The following BZW2 variants were observed in gnomAD, a reference collection of about 807,000 sequenced individuals.
The protein encoded by BZW2 is basic leucine zipper and W2 domains 2.
Under a neutral mutation model 53.2 loss-of-function variants are expected in BZW2, and 23 were observed. The ratio of observed to expected loss-of-function variants is 0.43; its 90% CI spans 0.31 to 0.61. BZW2 has a LOEUF of 0.61. Among genes scored for constraint, BZW2 ranks in the 20% least tolerant of loss-of-function variants. The pLI, the probability that BZW2 is intolerant of heterozygous loss-of-function variation, is 0.09. For synonymous variants in BZW2, 227 were observed against 186.4 expected (o/e 1.22, Z -1.77); for missense variants, 409 against 503.1 (o/e 0.81, Z 1.79).
chr7:16,672,183 C>T (rs540565735), intron 2 of BZW2, among the ~76,000 whole-genome samples: 1 of 152,076 alleles, frequency 6.6e-6, no homozygotes, highest in African/African-American at 2.4e-5. Flanking sequence ...GTGCTGGGTT[C>T]CCAGACAGCC....
intron 8 of BZW2, among the ~76,000 whole-genome samples, chr7:16,696,616 T>C (rs567423142): frequency 1.7e-3 from 253 of 152,340 alleles, no homozygotes; most frequent in African/African-American, 5.5e-3. Context: ...ATCCCTACTC[T>C]ACTAGACTCA....
At chr7:16,687,793 G>A (rs1451611225) in intron 6 of BZW2, among the ~76,000 whole-genome samples, 2 of 152,070 alleles carry the variant, frequency 1.3e-5, no homozygotes, top group African/African-American at 4.8e-5. Flanking sequence ...AAATGACCAA[G>A]GGAGATGGGA....
chr7:16,672,870 A>T (rs1782647932), intron 2 of BZW2, among the ~76,000 whole-genome samples: 1 of 150,920 alleles, frequency 6.6e-6, no homozygotes, highest in Admixed American at 6.6e-5. Flanking sequence ...CTGCAGACTC[A>T]TGTGTCCATT....
intron 1 of BZW2, among the ~76,000 whole-genome samples, 154 bp from the exon 2 acceptor site, chr7:16,665,283 G>T (rs1313621302): frequency 1.3e-5 from 2 of 151,754 alleles, no homozygotes; most frequent in African/African-American, 4.8e-5. Context: ...TCCCACCTGG[G>T]CGACAGCGAG....
intron 7 of BZW2, 100 bp from the exon 8 acceptor site, chr7:16,694,734 C>T: frequency 2.0e-6 from 2 of 995,392 alleles, no homozygotes; most frequent in Non-Finnish European, 2.8e-6. Context: ...TTCTTTTCTT[C>T]CAAATGTGAG....
chr7:16,685,823 A>T, intron 5 of BZW2, 82 bp from the exon 6 acceptor site: 1 of 1,425,278 alleles, frequency 7.0e-7, no homozygotes, highest in Non-Finnish European at 9.2e-7. Flanking sequence ...TTATCTTCCC[A>T]CTTCAGTCCT....
chr7:16,689,169 T>C (rs1024079474), intron 6 of BZW2, among the ~76,000 whole-genome samples: 20 of 152,114 alleles, frequency 1.3e-4, no homozygotes, highest in African/African-American at 4.8e-4. Context: ...AAGATTGCAG[T>C]GAGCCGAGAT....
chr7:16,667,293 C>T (rs201494222), intron 2 of BZW2, among the ~76,000 whole-genome samples: 1 of 124,082 alleles, frequency 8.1e-6, no homozygotes, highest in Non-Finnish European at 1.7e-5. Flanking sequence ...AAAAAAAAAA[C>T]AAAAAAAAAA....
chr7:16,671,546 G>T (rs1241216203), intron 2 of BZW2, among the ~76,000 whole-genome samples: 2 of 152,024 alleles, frequency 1.3e-5, no homozygotes, highest in East Asian at 3.9e-4. Context: ...TCTTGCCTGG[G>T]ATCTCATGAC....
At chr7:16,678,395 T>C (rs1429322791) in intron 3 of BZW2, among the ~76,000 whole-genome samples, 1 of 152,056 alleles carries the variant, frequency 6.6e-6, no homozygotes, top group Non-Finnish European at 1.5e-5. Context: ...TTACCCTTCG[T>C]ATAGTAAATA....
intron 5 of BZW2, among the ~76,000 whole-genome samples, chr7:16,684,108 AATCT>A (rs1268603499): frequency 1.3e-5 from 2 of 152,214 alleles, no homozygotes; most frequent in Admixed American, 1.3e-4. Flanking sequence ...ATTAAATTAC[AATCT>A]ATCTATACAG....
chr7:16,689,738 C>T (rs1282775308), intron 6 of BZW2, 59 bp from the exon 7 acceptor site: 6 of 1,424,712 alleles, frequency 4.2e-6, no homozygotes, highest in East Asian at 2.4e-5. Context: ...TTGCTTTGCA[C>T]ACCATCACAA....
chr7:16,699,106 A>G (rs1783590002), intron 10 of BZW2, among the ~76,000 whole-genome samples: 1 of 152,212 alleles, frequency 6.6e-6, no homozygotes, highest in Non-Finnish European at 1.5e-5. Context: ...TAGATTCCTC[A>G]AATGAATGAA....
At chr7:16,662,363 G>C (rs976723284) in intron 1 of BZW2, 1 of 152,054 alleles carries the variant, frequency 6.6e-6, no homozygotes, top group Admixed American at 6.6e-5. Flanking sequence ...TGTATCGAGG[G>C]TATGAAAAGT....
At chr7:16,700,639 G>A (rs1030677719) in intron 10 of BZW2, 1 of 152,116 alleles carries the variant, frequency 6.6e-6, no homozygotes, top group Non-Finnish European at 1.5e-5. Flanking sequence ...TCTGACTGTT[G>A]TACCAGGACC....
At chr7:16,664,838 G>T (rs1782372091) in intron 1 of BZW2, among the ~76,000 whole-genome samples, 1 of 146,982 alleles carries the variant, frequency 6.8e-6, no homozygotes, top group African/African-American at 2.7e-5. Flanking sequence ...CCAAGGTTAT[G>T]CCCATGTAAA....
At chr7:16,693,310 C>T (rs554398024) in intron 7 of BZW2, among the ~76,000 whole-genome samples, 4 of 152,242 alleles carry the variant, frequency 2.6e-5, no homozygotes, top group African/African-American at 9.6e-5. Context: ...GGCTTCCCCT[C>T]AACTTAATCT....
At chr7:16,679,854 A>T (rs574555451) in intron 3 of BZW2, among the ~76,000 whole-genome samples, 1 of 152,338 alleles carries the variant, frequency 6.6e-6, no homozygotes, top group African/African-American at 2.4e-5. Flanking sequence ...ATTACAACGA[A>T]GTAAAATTAG....
chr7:16,660,121 T>C (rs1020916553), intron 1 of BZW2, among the ~76,000 whole-genome samples: 11 of 152,070 alleles, frequency 7.2e-5, no homozygotes, highest in African/African-American at 2.4e-4. Context: ...CTGAGAATGA[T>C]GGTTTCCAGC....
Sources: gnomAD v4.1 joint callset for allele counts (sites outside exome capture counted in the v4.1 genomes callset) on GRCh38, gnomAD v4.1.1 for gene constraint, MANE v1.5 for transcripts, NCBI Gene and HGNC (gene_info 2026-07-23, HGNC 2026-07-21) for gene names.